LIPK: variants seen among roughly 807,000 people sequenced by gnomAD.
The protein encoded by LIPK is lipase member K.
In LIPK, 32 loss-of-function variants were observed where a neutral mutation model predicts 48.6. The ratio of observed to expected loss-of-function variants is 0.66; its 90% confidence interval spans 0.50 to 0.88. The LOEUF is 0.88. Ranked by LOEUF, LIPK falls within the 40% of genes least tolerant of loss-of-function variation. LIPK has a pLI of 0.00. For missense variants in LIPK, 507 were observed against 478.5 expected (o/e 1.06, Z -0.56); for synonymous variants, 164 against 157.4 (o/e 1.04, Z -0.32).
rs749416337 is a variant in LIPK at position 88,731,028 on chromosome 10, C to T, written c.269C>T (p.Ala90Val). 6.3e-7 allele frequency: 1 copy of T among 1,596,462 alleles called. No homozygotes were observed. Among genetic ancestry groups the T allele is most frequent in the Non-Finnish European group, 8.5e-7 (1 of 1,170,732 alleles). Reference protein sequence around the residue: ...VYLQHGLIASASNWICNLPNN... With the variant: ...VYLQHGLIASVSNWICNLPNN... ...TTGCAGCATGGCTTAATTGCATCTG[C>T]CAGTAACTGGATTTGCAACCTGCCC... is the stretch of plus-strand genomic sequence containing the variant. The change falls in exon 4 of 10, where the codon GCC (alanine) becomes GTC (valine). Residue 90 changes from alanine (A) to valine (V), a missense_variant. Coordinates refer to ENST00000404190, the MANE Select transcript of LIPK (RefSeq NM_001080518.2).
chr10:88,737,472 A>T (rs1205333278), intron 6 of LIPK, among the ~76,000 whole-genome samples, 163 bp from the exon 7 acceptor site: 2 of 152,202 alleles, frequency 1.3e-5, no homozygotes, highest in African/African-American at 4.8e-5. Flanking sequence ...TAAGAGGTGC[A>T]TTGGAAGGAT....
At chr10:88,747,222 C>A (rs917223965) in intron 9 of LIPK, among the ~76,000 whole-genome samples, 1 of 152,106 alleles carries the variant, frequency 6.6e-6, no homozygotes, top group African/African-American at 2.4e-5. Context: ...GAAATAATTC[C>A]AAAAAATCGA....
intron 3 of LIPK, among the ~76,000 whole-genome samples, chr10:88,729,319 T>G (rs1274698028): frequency 6.6e-6 from 1 of 151,412 alleles, no homozygotes; most frequent in Non-Finnish European, 1.5e-5. Context: ...TTCTTCTCTC[T>G]CTTCTTAGTT....
At chr10:88,722,199 G>C (rs1408701443) in intron 1 of LIPK, among the ~76,000 whole-genome samples, 1 of 152,172 alleles carries the variant, frequency 6.6e-6, no homozygotes, top group East Asian at 1.9e-4. Context: ...GGGGGCTGGG[G>C]CAAGAGAATC....
intron 1 of LIPK, among the ~76,000 whole-genome samples, chr10:88,716,648 AGC>A: frequency 6.6e-6 from 1 of 152,120 alleles, no homozygotes; most frequent in African/African-American, 2.4e-5. Flanking sequence ...TGAGCCACTG[AGC>A]CTGGCCAGAA....
intron 8 of LIPK, among the ~76,000 whole-genome samples, 167 bp from the exon 9 acceptor site, chr10:88,743,083 A>T (rs555648676): frequency 6.6e-6 from 1 of 152,324 alleles, no homozygotes; most frequent in Admixed American, 6.5e-5. Context: ...GTGAATTACG[A>T]TAAGATTTAT....
At chr10:88,730,234 T>A (rs879843314) in intron 3 of LIPK, among the ~76,000 whole-genome samples, 1 of 152,234 alleles carries the variant, frequency 6.6e-6, no homozygotes, top group Admixed American at 6.5e-5. Context: ...GCTATTAATA[T>A]AAGTAACAGT....
At chr10:88,742,869 T>C (rs1023920900) in intron 8 of LIPK, among the ~76,000 whole-genome samples, 4 of 152,208 alleles carry the variant, frequency 2.6e-5, no homozygotes, top group African/African-American at 4.8e-5. Context: ...AATTTTTAAA[T>C]GTAAGAAATG....
intron 1 of LIPK, among the ~76,000 whole-genome samples, 161 bp downstream of exon 1, chr10:88,706,481 G>C (rs1040772184): frequency 2.6e-5 from 4 of 152,276 alleles, no homozygotes; most frequent in African/African-American, 9.6e-5. Context: ...GACAACTTCA[G>C]ATGGAGAGTC....
At chr10:88,724,438 G>T in intron 1 of LIPK, 95 bp from the exon 2 acceptor site, 2 of 704,200 alleles carry the variant, frequency 2.8e-6, no homozygotes, top group African/African-American at 1.8e-5. Context: ...GTATGTTTCT[G>T]CTCTCTCTCA....
intron 9 of LIPK, among the ~76,000 whole-genome samples, chr10:88,747,355 G>A (rs1165355077): frequency 6.6e-6 from 1 of 152,018 alleles, no homozygotes; most frequent in Non-Finnish European, 1.5e-5. Context: ...AAACATATAT[G>A]CAAAAATTCT....
intron 8 of LIPK, among the ~76,000 whole-genome samples, chr10:88,740,333 T>G (rs1401164997): frequency 2.6e-5 from 4 of 152,238 alleles, no homozygotes; most frequent in African/African-American, 9.6e-5. Flanking sequence ...AAGGGAAGAC[T>G]TTTATTTCCT....
intron 1 of LIPK, among the ~76,000 whole-genome samples, chr10:88,707,339 A>G (rs767128330): frequency 7.9e-5 from 12 of 152,048 alleles, no homozygotes; most frequent in Non-Finnish European, 1.3e-4. Context: ...TCACTGGACT[A>G]TCCTGTCTCT....
intron 9 of LIPK, among the ~76,000 whole-genome samples, chr10:88,748,327 A>G (rs1400030231): frequency 1.3e-5 from 2 of 152,284 alleles, no homozygotes; most frequent in East Asian, 3.9e-4. Flanking sequence ...TCAAACTACC[A>G]TGGCATATGT....
At chr10:88,715,303 A>G (rs1176693103) in intron 1 of LIPK, among the ~76,000 whole-genome samples, 2 of 152,102 alleles carry the variant, frequency 1.3e-5, no homozygotes, top group African/African-American at 4.8e-5. Flanking sequence ...CATATTCTGA[A>G]GTTCTATTAT....
intron 6 of LIPK, among the ~76,000 whole-genome samples, chr10:88,734,402 A>T (rs1842528358): frequency 6.6e-6 from 1 of 152,180 alleles, no homozygotes. Flanking sequence ...TTTACTGGAG[A>T]TTTATATTAG....
intron 6 of LIPK, among the ~76,000 whole-genome samples, chr10:88,737,165 TTTAA>T (rs1186363125): frequency 6.6e-6 from 1 of 152,198 alleles, no homozygotes; most frequent in Non-Finnish European, 1.5e-5. Flanking sequence ...TAATTTATAC[TTTAA>T]TTAAATAATA....
Position 88,751,974 on chromosome 10 carries a change from G to A in LIPK, c.961-543G>A, listed in dbSNP as rs139918587. ...TGTTGTATCAATACAAGAAAGAAGC[G>A]GTAAGGGAAAACTTGCTGAGAGTTT... On this transcript the variant is annotated intron_variant, in intron 9 of 9. Coordinates refer to ENST00000404190, the MANE Select transcript of LIPK (RefSeq NM_001080518.2). 4.6e-3 allele frequency among the ~76,000 whole-genome samples: 706 copies of A among 152,190 alleles called. 21 individuals carry two copies. The highest frequency in any genetic ancestry group is 1.7e-3 in the Non-Finnish European group (115 of 67,988).
chr10:88,752,285 C>A (rs555124536), intron 9 of LIPK, among the ~76,000 whole-genome samples: 2 of 152,248 alleles, frequency 1.3e-5, no homozygotes, highest in South Asian at 2.1e-4. Flanking sequence ...TTTTCCCAAA[C>A]GTGCAAGTCA....
Sources: gnomAD v4.1 joint callset for allele counts (sites outside exome capture counted in the v4.1 genomes callset) on GRCh38, gnomAD v4.1.1 for gene constraint, MANE v1.5 for transcripts, NCBI Gene and HGNC (gene_info 2026-07-23, HGNC 2026-07-21) for gene names.